CFAP47: variants seen among roughly 807,000 people sequenced by gnomAD.
CFAP47 encodes the protein cilia- and flagella-associated protein 47.
A neutral mutation model predicts 148.1 loss-of-function variants in CFAP47; 29 were observed. The ratio of observed to expected loss-of-function variants is 0.20; its 90% CI spans 0.15 to 0.27. The LOEUF (loss-of-function observed/expected upper bound fraction) is 0.27. Ranked by LOEUF, CFAP47 falls within the 10% of genes least tolerant of loss-of-function variation. The pLI, the probability that CFAP47 is intolerant of heterozygous loss-of-function variation, is 1.00. For synonymous variants in CFAP47, 664 were observed against 577.3 expected, an observed-to-expected ratio of 1.15 and a Z score of -2.15; for missense variants, 1,872 against 1,697.5, an observed-to-expected ratio of 1.10 and a Z score of -1.81.
intron 57 of CFAP47, among the ~76,000 whole-genome samples, chrX:36,341,679 A>G (rs147253596): frequency 0.048 from 5,335 of 110,522 alleles, 329 homozygotes; most frequent in African/African-American, 0.17. Flanking sequence ...AATATACACC[A>G]AATAAAATTT....
intron 57 of CFAP47, among the ~76,000 whole-genome samples, chrX:36,340,026 G>T (rs1255130902): frequency 8.9e-5 from 10 of 111,757 alleles, no homozygotes; most frequent in African/African-American, 3.3e-4. Context: ...GTCTTCTTCG[G>T]ATAACCTTCT....
chrX:36,059,048 A>G (rs758226395), intron 26 of CFAP47, among the ~76,000 whole-genome samples: 1 of 112,512 alleles, frequency 8.9e-6, no homozygotes, highest in East Asian at 2.8e-4. Flanking sequence ...AAGTATTTCT[A>G]TCAGAGGAAG....
intron 49 of CFAP47, among the ~76,000 whole-genome samples, chrX:36,257,225 G>C (rs1383247511): frequency 9.0e-6 from 1 of 111,208 alleles, no homozygotes; most frequent in East Asian, 2.8e-4. Flanking sequence ...CAGTAATCGA[G>C]TATCTTCCCT....
chrX:36,165,972 G>A (rs748680038), intron 39 of CFAP47, among the ~76,000 whole-genome samples: 2 of 111,121 alleles, frequency 1.8e-5, no homozygotes, highest in African/African-American at 6.5e-5. Flanking sequence ...TGGAGATACC[G>A]GGGTTAGGGC....
intron 32 of CFAP47, among the ~76,000 whole-genome samples, chrX:36,103,501 G>GA (rs61501194): frequency 0.11 from 1,645 of 15,020 alleles, 445 homozygotes; most frequent in African/African-American, 0.25. Context: ...TCATATGCCA[G>GA]AAAAAAAAAA....
At chrX:36,382,970 T>C (rs1942092023) in intron 63 of CFAP47, among the ~76,000 whole-genome samples, 1 of 111,396 alleles carries the variant, frequency 9.0e-6, no homozygotes, top group African/African-American at 3.3e-5. Context: ...AAAATATACA[T>C]GGATAGTTGC....
Position 36,379,428 on chromosome X carries a change from T to G in CFAP47, c.9264T>G (p.Leu3088=). 8.6e-7 allele frequency: 1 copy of G among 1,165,179 alleles called. No homozygotes were observed. The highest frequency in any genetic ancestry group is 1.8e-5 in the African/African-American group (1 of 56,382). ...EFFVKPQAGE[L]LPFNTNGTLI... ...TTGTAAAACCTCAGGCTGGAGAACT[T>G]CTTCCTTTTAACACAAACGGAACTC... is the stretch of plus-strand genomic sequence containing the variant. The change falls in exon 63 of 64, where the codon CTT becomes CTG. Residue 3088 remains leucine (L), a synonymous_variant. Coordinates refer to ENST00000378653, the MANE Select transcript of CFAP47 (RefSeq NM_001304548.2).
rs782047736 is a variant in CFAP47, at chrX:36,313,633, T to G, written c.8344+2644T>G. ...TCATTTTGTCTTTTAAAAGAAGATGTAAATTTTCTTACAGATTCTACAGAA... is the reference window on the plus strand; with the variant it reads ...TCATTTTGTCTTTTAAAAGAAGATGGAAATTTTCTTACAGATTCTACAGAA... On this transcript the variant is annotated intron_variant, in intron 56 of 63. Transcript: ENST00000378653. 1.5e-3 allele frequency among the ~76,000 whole-genome samples: 162 copies of G among 111,441 alleles called. 1 individual carries two copies. The highest frequency in any genetic ancestry group is 4.8e-3 in the African/African-American group (149 of 30,795).
At chrX:35,972,667 T>A (rs1157555676) in intron 13 of CFAP47, among the ~76,000 whole-genome samples, 1 of 112,160 alleles carries the variant, frequency 8.9e-6, no homozygotes, top group Non-Finnish European at 1.9e-5. Flanking sequence ...ATAATGTTTT[T>A]GAGGTTCACC....
intron 39 of CFAP47, among the ~76,000 whole-genome samples, chrX:36,179,037 G>C (rs7061671): frequency 0.056 from 6,218 of 112,029 alleles, 428 homozygotes; most frequent in African/African-American, 0.19. Context: ...GATATTTCCT[G>C]TTTGTTTCTG....
intron 61 of CFAP47, among the ~76,000 whole-genome samples, chrX:36,365,450 T>C: frequency 9.0e-6 from 1 of 111,062 alleles, no homozygotes; most frequent in Middle Eastern, 4.6e-3. Context: ...GTGGAACTCC[T>C]AATTTACTGA....
chrX:36,283,887 T>A (rs1167830579), intron 50 of CFAP47, among the ~76,000 whole-genome samples: 1 of 111,867 alleles, frequency 8.9e-6, no homozygotes, highest in Admixed American at 9.5e-5. Flanking sequence ...CTTATAACTC[T>A]GAGTCGTTCC....
At chrX:36,343,764 G>C (rs1291850331) in intron 57 of CFAP47, among the ~76,000 whole-genome samples, 1 of 111,293 alleles carries the variant, frequency 9.0e-6, no homozygotes, top group Non-Finnish European at 1.9e-5. Flanking sequence ...AGGGCAATGG[G>C]AAAACCATAG....
intron 62 of CFAP47, among the ~76,000 whole-genome samples, chrX:36,370,895 G>A (rs1459638313): frequency 9.0e-6 from 1 of 111,198 alleles, no homozygotes; most frequent in Non-Finnish European, 1.9e-5. Flanking sequence ...TTTTTCTTGT[G>A]TGCTGGGCAT....
intron 53 of CFAP47, among the ~76,000 whole-genome samples, chrX:36,302,789 G>A (rs1425424001): frequency 4.5e-5 from 5 of 111,653 alleles, no homozygotes; most frequent in Non-Finnish European, 5.6e-5. Flanking sequence ...TGAAAACTTC[G>A]TGCATTTATT....
chrX:36,008,816 C>T (rs1937008667), intron 21 of CFAP47, among the ~76,000 whole-genome samples: 1 of 110,960 alleles, frequency 9.0e-6, no homozygotes, highest in Admixed American at 9.6e-5. Context: ...TTTAAAAAGC[C>T]TGCTTCTTTG....
chrX:36,300,334 C>T (rs7059181), intron 52 of CFAP47, among the ~76,000 whole-genome samples: 4 of 107,729 alleles, frequency 3.7e-5, no homozygotes, highest in South Asian at 8.3e-4. Context: ...CTGTCACCCA[C>T]GCTAGAGTGC....
rs754210036 is a variant in CFAP47, at chrX:35,989,423, G to C, written c.2818G>C (p.Ala940Pro). The C allele has an allele frequency of 5.0e-6, 6 of 1,210,117 alleles. No homozygotes were observed. Among genetic ancestry groups the C allele is most frequent in the Non-Finnish European group, 6.7e-6 (6 of 894,131 alleles). ...TATTCTTCATGTCTTTCAAGGAAAC[G>C]CGTTGAAGCTAAAATGTGTTGCACA... ...EFILHVFQGN[A>P]LKLKCVAHLG... is the part of the protein sequence containing the mutation. The change falls in exon 16 of 64, where the codon GCG becomes CCG. Residue 940 changes from alanine to proline, a missense_variant. Physicochemically the swap from Ala to Pro is conservative, Grantham distance 27 (BLOSUM62 -1). Transcript: ENST00000378653.
intron 45 of CFAP47, among the ~76,000 whole-genome samples, chrX:36,223,575 A>G (rs1465051464): frequency 1.8e-5 from 2 of 111,238 alleles, no homozygotes; most frequent in Non-Finnish European, 3.8e-5. Context: ...TCTCTTCCAT[A>G]TGTTTGATGT....
Sources: allele counts gnomAD v4.1 joint callset (sites outside exome capture counted in the v4.1 genomes callset), GRCh38; gene constraint gnomAD v4.1.1; transcripts MANE v1.5; gene names NCBI Gene and HGNC (gene_info 2026-07-23, HGNC 2026-07-21).